The following KIAA1328 variants were observed in gnomAD, a reference collection of about 807,000 sequenced individuals.
KIAA1328 encodes protein hinderin.
KIAA1328 carries 52 observed loss-of-function variants against 68.1 expected under a neutral mutation model. That is an observed-to-expected ratio of 0.76 (90% CI 0.61 to 0.96). The LOEUF (loss-of-function observed/expected upper bound fraction) is 0.96. Ranked by LOEUF, KIAA1328 falls within the 40% of genes least tolerant of loss-of-function variation. The pLI, the probability that KIAA1328 is intolerant of heterozygous loss-of-function variation, is 0.00. For synonymous variants in KIAA1328, 232 were observed against 239.4 expected (o/e 0.97, Z 0.28); for missense variants, 641 against 677.6 (o/e 0.95, Z 0.60).
chr18:37,223,603 A>T lies in KIAA1328; in HGVS notation c.*1376A>T. The T allele has an allele frequency of 1.0e-6, 1 of 985,412 alleles. No individual in the cohort carries two copies. The highest frequency in any genetic ancestry group is 1.7e-5 in the African/African-American group (1 of 57,358). 61.0% of individuals were successfully genotyped at this position (985,412 alleles called of 1,614,324 possible). A position where few individuals can be genotyped will look rare whatever the true frequency, so the allele number is the denominator to read the frequency against. On this transcript the variant is annotated 3_prime_UTR_variant, in exon 10 of 10. Transcript: ENST00000280020. ...TTTTACCAACCCCAACTAAACTGGG[A>T]GTAAGACTTAGTCAGTGTTGGTAGA...
At chr18:36,940,415 G>A (rs1271770042) in intron 5 of KIAA1328, among the ~76,000 whole-genome samples, 3 of 152,144 alleles carry the variant, frequency 2.0e-5, no homozygotes, top group Non-Finnish European at 2.9e-5. Flanking sequence ...TTTATGGCAG[G>A]TTGATTATAT....
chr18:36,893,601 C>T (rs1198260123), intron 5 of KIAA1328, among the ~76,000 whole-genome samples: 1 of 151,878 alleles, frequency 6.6e-6, no homozygotes, highest in African/African-American at 2.4e-5. Context: ...AGATTACAGA[C>T]ATGAGCCGCC....
chr18:37,063,593 C>T, intron 6 of KIAA1328: 1 of 980,112 alleles, frequency 1.0e-6, no homozygotes, highest in Non-Finnish European at 1.2e-6. Context: ...CGGGGAGCAT[C>T]TTAGAATTCT....
intron 6 of KIAA1328, among the ~76,000 whole-genome samples, chr18:36,965,107 ACT>A (rs2051863709): frequency 6.6e-6 from 1 of 151,870 alleles, no homozygotes; most frequent in African/African-American, 2.4e-5. Context: ...ATTTTTATTA[ACT>A]CTGCATTATT....
chr18:36,972,106 A>C (rs910273977), intron 6 of KIAA1328, among the ~76,000 whole-genome samples: 2 of 152,230 alleles, frequency 1.3e-5, no homozygotes, highest in African/African-American at 4.8e-5. Context: ...AAATCCATAT[A>C]ATAAACCCTA....
chr18:37,110,804 G>A (rs542204164), intron 7 of KIAA1328, among the ~76,000 whole-genome samples: 11 of 152,220 alleles, frequency 7.2e-5, no homozygotes, highest in South Asian at 4.2e-4. Flanking sequence ...GGCTTATGGC[G>A]GTTTGTTTTA....
At chr18:36,852,430 TG>T (rs2047242697) in intron 4 of KIAA1328, among the ~76,000 whole-genome samples, 1 of 152,196 alleles carries the variant, frequency 6.6e-6, no homozygotes, top group East Asian at 1.9e-4. Context: ...GTTAGCAAAC[TG>T]ACAAACTGCG....
At chr18:36,999,578 C>T (rs1837540819) in intron 6 of KIAA1328, among the ~76,000 whole-genome samples, 1 of 152,176 alleles carries the variant, frequency 6.6e-6, no homozygotes, top group East Asian at 1.9e-4. Flanking sequence ...GATTTCTTAG[C>T]AGACACCTTA....
intron 4 of KIAA1328, among the ~76,000 whole-genome samples, chr18:36,845,674 CAT>C (rs1015228103): frequency 6.6e-6 from 1 of 151,632 alleles, no homozygotes; most frequent in Non-Finnish European, 1.5e-5. Flanking sequence ...GAAAAAGTGA[CAT>C]ATATGACTTG....
At chr18:37,175,644 G>C (rs1486299489) in intron 9 of KIAA1328, among the ~76,000 whole-genome samples, 5 of 151,988 alleles carry the variant, frequency 3.3e-5, no homozygotes, top group East Asian at 3.8e-4. Flanking sequence ...AGAAGGCATA[G>C]TGGTGGCTTT....
intron 5 of KIAA1328, chr18:36,901,871 G>T (rs1359850159): frequency 6.6e-6 from 1 of 152,056 alleles, no homozygotes; most frequent in Non-Finnish European, 1.5e-5. Flanking sequence ...CATAATTTTT[G>T]CAGTGACTTC....
chr18:37,135,944 T>A (rs1160929589), intron 7 of KIAA1328, among the ~76,000 whole-genome samples: 1 of 152,202 alleles, frequency 6.6e-6, no homozygotes, highest in Non-Finnish European at 1.5e-5. Flanking sequence ...GTTGATTTTC[T>A]TGAAGATCAG....
intron 6 of KIAA1328, among the ~76,000 whole-genome samples, chr18:36,993,022 G>A (rs887484691): frequency 2.0e-5 from 3 of 152,090 alleles, no homozygotes; most frequent in African/African-American, 7.2e-5. Context: ...TTGAAGGATC[G>A]CTTGAGCTTA....
At chr18:37,107,740 A>C (rs1244634481) in intron 7 of KIAA1328, among the ~76,000 whole-genome samples, 1 of 152,218 alleles carries the variant, frequency 6.6e-6, no homozygotes, top group South Asian at 2.1e-4. Context: ...AAAGCTGCTC[A>C]TCAATTCTAG....
rs887296988 is a variant in KIAA1328, at chr18:37,220,019, C to G, written c.1524-1998C>G. 2.6e-5 allele frequency among the ~76,000 whole-genome samples: 4 copies of G among 152,326 alleles called. No individual in the cohort carries two copies. In the South Asian group the frequency reaches 8.3e-4, roughly 32 times the overall value. On this transcript the variant is annotated intron_variant, in intron 9 of 9. Coordinates refer to ENST00000280020, the MANE Select transcript of KIAA1328 (RefSeq NM_020776.3). The stretch of plus-strand genomic sequence containing the variant: ...TTTGAGGAGGATCTTTCTGTTGATG[C>G]AACTGACAGTGGAGCTGCTAAGAGT...
intron 9 of KIAA1328, among the ~76,000 whole-genome samples, chr18:37,207,758 G>A (rs1285453416): frequency 1.3e-5 from 2 of 152,224 alleles, no homozygotes; most frequent in Admixed American, 6.5e-5. Context: ...GAATGGGTCA[G>A]AGGGAGCAAT....
chr18:37,026,731 A>G (rs551439775), intron 6 of KIAA1328, among the ~76,000 whole-genome samples: 5 of 152,192 alleles, frequency 3.3e-5, no homozygotes, highest in African/African-American at 4.8e-5. Context: ...TCTGAAAATC[A>G]TAAGAGCTTT....
intron 5 of KIAA1328, among the ~76,000 whole-genome samples, chr18:36,906,232 C>CT (rs1013006019): frequency 1.3e-5 from 2 of 152,096 alleles, no homozygotes; most frequent in Non-Finnish European, 2.9e-5. Context: ...CTAAGATTCA[C>CT]TTTTTTGCAG....
At chr18:36,967,911 A>C (rs2052009781) in intron 6 of KIAA1328, among the ~76,000 whole-genome samples, 1 of 152,230 alleles carries the variant, frequency 6.6e-6, no homozygotes, top group South Asian at 2.1e-4. Context: ...GAATGAAGAA[A>C]ATCTTCAAGA....
Sources: gnomAD v4.1 joint callset for allele counts (sites outside exome capture counted in the v4.1 genomes callset) on GRCh38, gnomAD v4.1.1 for gene constraint, MANE v1.5 for transcripts, NCBI Gene and HGNC (gene_info 2026-07-23, HGNC 2026-07-21) for gene names.